Variants in CDCA5 observed in about 807,000 individuals in gnomAD.
The protein encoded by CDCA5 is sororin.
In CDCA5, 14 loss-of-function variants were observed where a neutral mutation model predicts 25.7. That is an observed-to-expected ratio of 0.54 (90% CI 0.36 to 0.85). The LOEUF (loss-of-function observed/expected upper bound fraction) is 0.85. Ranked by LOEUF, CDCA5 falls within the 40% of genes least tolerant of loss-of-function variation. The pLI, the probability that CDCA5 is intolerant of heterozygous loss-of-function variation, is 0.01. For missense variants in CDCA5, 307 were observed against 324.5 expected, an observed-to-expected ratio of 0.95 and a Z score of 0.41; for synonymous variants, 127 against 128.7, an observed-to-expected ratio of 0.99 and a Z score of 0.09.
rs1263101846 is a variant in CDCA5 at position 65,083,570 on chromosome 11, G to A, written c.142-20C>T. On this transcript the variant is annotated intron_variant, in intron 2 of 5. Transcript: ENST00000275517. The stretch of plus-strand genomic sequence containing the variant: ...GGGTGTCTGGAGAAGAGGGATGAAC[G>A]TGAGCTCAACATTAGGTGAGGGGCC... The A allele has an allele frequency of 6.2e-7, 1 of 1,614,180 alleles. No homozygotes were observed. Among genetic ancestry groups the A allele is most frequent in the Admixed American group, 1.7e-5 (1 of 60,020 alleles).
rs1947622883 is a variant in CDCA5, at chr11:65,083,620, G to C, written c.141+9C>G. On this transcript the variant is annotated intron_variant, in intron 2 of 5. Coordinates refer to ENST00000275517, the MANE Select transcript of CDCA5 (RefSeq NM_080668.4). Reference sequence around the variant, plus strand: ...CACAAGGGGAGGAAGTGAGAAATCTGGGGCTCACCTTCGGCCAGATTTCAG... The same window carrying C: ...CACAAGGGGAGGAAGTGAGAAATCTCGGGCTCACCTTCGGCCAGATTTCAG... The C allele has an allele frequency of 6.2e-7, 1 of 1,614,058 alleles. No individual in the cohort carries two copies. The highest frequency in any genetic ancestry group is 8.5e-7 in the Non-Finnish European group (1 of 1,180,010).
chr11:65,078,952 C>T lies in CDCA5; in HGVS notation c.*155G>A. Reference sequence around the variant, plus strand: ...AAACCAAGATGGCTGCCGCTGCTGCCCAAGCCCTCAAAGGCAGACAGTCCT... The same window carrying T: ...AAACCAAGATGGCTGCCGCTGCTGCTCAAGCCCTCAAAGGCAGACAGTCCT... On this transcript the variant is annotated 3_prime_UTR_variant, in exon 6 of 6. Coordinates refer to ENST00000275517, the MANE Select transcript of CDCA5 (RefSeq NM_080668.4). The T allele has an allele frequency of 2.4e-6, 3 of 1,265,644 alleles. No individual in the cohort carries two copies. The highest frequency in any genetic ancestry group is 3.0e-6 in the Non-Finnish European group (3 of 1,007,460). 78.4% of individuals were successfully genotyped at this position (1,265,644 alleles called of 1,614,324 possible).
Position 65,078,477 on chromosome 11 carries a change from C to A in CDCA5, c.*630G>T, listed in dbSNP as rs550124833. ...CTTCTGTGTAGTACACACTTATGGTCTGAGACCCAACTAAGGCTCCCTACA... is the reference window on the plus strand; with the variant it reads ...CTTCTGTGTAGTACACACTTATGGTATGAGACCCAACTAAGGCTCCCTACA... On this transcript the variant is annotated 3_prime_UTR_variant, in exon 6 of 6. Coordinates refer to ENST00000275517, the MANE Select transcript of CDCA5 (RefSeq NM_080668.4). 41 of 985,602 alleles carry A rather than the reference C, an allele frequency of 4.2e-5. No homozygotes were observed. The Admixed American group carries it at 2.0e-3, about 49-fold the overall frequency. 61.1% of individuals were successfully genotyped at this position (985,602 alleles called of 1,614,324 possible). A position where few individuals can be genotyped will look rare whatever the true frequency, so the allele number is the denominator to read the frequency against.
At chr11:65,073,528 G>A (rs76041828), downstream of CDCA5, among the ~76,000 whole-genome samples, 1,125 of 152,250 alleles carry the variant, frequency 7.4e-3, 11 homozygotes, top group African/African-American at 0.023. Flanking sequence ...GGAAAGACAC[G>A]AGAGGCAGAG....
chr11:65,079,868 T>C (rs1017467287), intron 4 of CDCA5, 81 bp from the exon 5 acceptor site: 1 of 1,108,530 alleles, frequency 9.0e-7, no homozygotes, highest in East Asian at 2.9e-5. Context: ...AGATTCAGGG[T>C]GGAAAGACCC....
chr11:65,064,552 A>G (rs1450611955), downstream of CDCA5, among the ~76,000 whole-genome samples: 2 of 152,180 alleles, frequency 1.3e-5, no homozygotes, highest in African/African-American at 2.4e-5. Context: ...CTGTTGATCC[A>G]ACTACCATCA....
Position 65,077,566 on chromosome 11 carries a change from C to G in CDCA5, c.*1541G>C. 3.0e-6 allele frequency: 3 copies of G among 985,416 alleles called. No homozygotes were observed. The highest frequency in any genetic ancestry group is 3.6e-6 in the Non-Finnish European group (3 of 829,898). The allele number at this position is 985,416 out of a possible 1,614,324, so 61.0% of individuals were successfully genotyped here. A position where few individuals can be genotyped will look rare whatever the true frequency, so the allele number is the denominator to read the frequency against. On this transcript the variant is annotated 3_prime_UTR_variant, in exon 6 of 6. Coordinates refer to ENST00000275517, the MANE Select transcript of CDCA5 (RefSeq NM_080668.4). ...GAGAACTTTGCAATGATGATCTCAACTCTGCATCATCTGGTGACTCCTGAT... is the reference window on the plus strand; with the variant it reads ...GAGAACTTTGCAATGATGATCTCAAGTCTGCATCATCTGGTGACTCCTGAT...
downstream of CDCA5, among the ~76,000 whole-genome samples, chr11:65,075,552 TG>T (rs1293238275): frequency 4.3e-5 from 1 of 23,080 alleles, no homozygotes. Flanking sequence ...GGCTGTGGGG[TG>T]GGGGGGATGT....
chr11:65,083,037 T>C (rs531519185), intron 4 of CDCA5, among the ~76,000 whole-genome samples: 1 of 152,258 alleles, frequency 6.6e-6, no homozygotes, highest in South Asian at 2.1e-4. Flanking sequence ...ACTGTAAAAA[T>C]GTCATACACA....
chr11:65,076,623 T>G (rs553367614), downstream of CDCA5, among the ~76,000 whole-genome samples: 5 of 152,298 alleles, frequency 3.3e-5, no homozygotes, highest in South Asian at 1.0e-3. Flanking sequence ...TTTGTTTGGA[T>G]GACTAGGAGG....
chr11:65,064,417 CAAAAA>C (rs11318233), downstream of CDCA5, among the ~76,000 whole-genome samples: 21 of 86,314 alleles, frequency 2.4e-4, no homozygotes, highest in South Asian at 2.1e-3. Flanking sequence ...GACTCTGTCG[CAAAAA>C]AAAAAAAAAA....
rs1276761682 is a variant in CDCA5, at chr11:65,084,035, G to A, written c.-57C>T. 1.3e-6 allele frequency: 2 copies of A among 1,567,362 alleles called. No homozygotes were observed. The highest frequency in any genetic ancestry group is 1.9e-5 in the Admixed American group (1 of 53,274). ...CCGCCGCCCCGGGCGCGCGCCAACCGGGAAGGCCACTCGCTGCAAAAAACG... is the reference window on the plus strand; with the variant it reads ...CCGCCGCCCCGGGCGCGCGCCAACCAGGAAGGCCACTCGCTGCAAAAAACG... On this transcript the variant is annotated 5_prime_UTR_variant, in exon 1 of 6. Transcript: ENST00000275517.
At chr11:65,080,294 A>G (rs944589837) in intron 4 of CDCA5, among the ~76,000 whole-genome samples, 3 of 152,182 alleles carry the variant, frequency 2.0e-5, no homozygotes, top group Admixed American at 2.0e-4. Context: ...TTGTGACACA[A>G]ATGGACTTGC....
intron 2 of CDCA5, 28 bp from the exon 3 acceptor site, chr11:65,083,578 A>C (rs768048264): frequency 1.9e-6 from 3 of 1,614,178 alleles, no homozygotes; most frequent in South Asian, 2.2e-5. Flanking sequence ...ACGTGAGCTC[A>C]ACATTAGGTG....
At chr11:65,079,891 CTTT>C (rs56317442) in intron 4 of CDCA5, 104 bp from the exon 5 acceptor site, 5,739 of 538,362 alleles carry the variant, frequency 0.011, no homozygotes, top group South Asian at 0.014. Context: ...AGGACACACA[CTTT>C]TTTTTTTTTT....
chr11:65,082,569 TCTC>T (rs1947593887), intron 4 of CDCA5, among the ~76,000 whole-genome samples: 1 of 151,516 alleles, frequency 6.6e-6, no homozygotes, highest in Middle Eastern at 3.2e-3. Flanking sequence ...TTTAAGCGAT[TCTC>T]CTGCCTCAGC....
At chr11:65,064,905 G>C (rs1160252112), downstream of CDCA5, among the ~76,000 whole-genome samples, 3 of 152,170 alleles carry the variant, frequency 2.0e-5, no homozygotes, top group Non-Finnish European at 4.4e-5. Flanking sequence ...TGTTAGCTCA[G>C]CTCAATTCAG....
At chr11:65,074,602 G>C (rs930406915), downstream of CDCA5, among the ~76,000 whole-genome samples, 9 of 152,140 alleles carry the variant, frequency 5.9e-5, no homozygotes, top group South Asian at 1.9e-3. Flanking sequence ...GGCCAGGCAT[G>C]GTGACACGTG....
chr11:65,076,814 C>T (rs1029855828), downstream of CDCA5, among the ~76,000 whole-genome samples: 4 of 152,162 alleles, frequency 2.6e-5, no homozygotes, highest in Non-Finnish European at 4.4e-5. Context: ...GTGAGCAACT[C>T]GGGCTCCTTC....
Sources: allele counts gnomAD v4.1 joint callset (sites outside exome capture counted in the v4.1 genomes callset), GRCh38; gene constraint gnomAD v4.1.1; transcripts MANE v1.5; gene names NCBI Gene and HGNC (gene_info 2026-07-23, HGNC 2026-07-21).